The following DPM1 variants were observed in gnomAD, a reference collection of about 807,000 sequenced individuals.
DPM1 encodes the protein dolichol-phosphate mannosyltransferase subunit 1.
In DPM1, 27 loss-of-function variants were observed where a neutral mutation model predicts 39.0. That is an observed-to-expected ratio of 0.69 (90% CI 0.51 to 0.95). The LOEUF is 0.95. Among genes scored for constraint, DPM1 ranks in the 40% least tolerant of loss-of-function variants. The pLI is 0.00. For synonymous variants in DPM1, 124 were observed against 109.0 expected (o/e 1.14, Z -0.86); for missense variants, 307 against 315.6 (o/e 0.97, Z 0.21).
chr20:50,938,672 G>T (rs932139699), intron 7 of DPM1, among the ~76,000 whole-genome samples: 1 of 144,110 alleles, frequency 6.9e-6, no homozygotes, highest in African/African-American at 2.5e-5. Flanking sequence ...GAGCCACCGC[G>T]CCCAGCCTAT....
chr20:50,954,799 T>C (rs1342192678), intron 2 of DPM1, among the ~76,000 whole-genome samples: 4 of 152,208 alleles, frequency 2.6e-5, no homozygotes, highest in Non-Finnish European at 5.9e-5. Flanking sequence ...TATTCTCTAA[T>C]GAAAGCATGA....
chr20:50,940,993 C>T, intron 6 of DPM1, 60 bp from the exon 7 acceptor site: 2 of 1,452,326 alleles, frequency 1.4e-6, no homozygotes, highest in South Asian at 2.3e-5. Context: ...AAGAGAAACA[C>T]ATCGAAGAAC....
At chr20:50,947,863 G>A (rs554895601) in intron 3 of DPM1, among the ~76,000 whole-genome samples, 1 of 152,216 alleles carries the variant, frequency 6.6e-6, no homozygotes, top group Admixed American at 6.5e-5. Context: ...TCTTGACCTC[G>A]TGCTCTGCCC....
chr20:50,951,919 G>C (rs1986600887), intron 2 of DPM1, among the ~76,000 whole-genome samples: 1 of 152,096 alleles, frequency 6.6e-6, no homozygotes, highest in Admixed American at 6.6e-5. Flanking sequence ...ATTTCTATTT[G>C]GTATGCTTTA....
In DPM1 at chr20:50,940,927, C is replaced by T; in HGVS notation, c.501G>A (p.Gly167=). 6.2e-7 allele frequency: 1 copy of T among 1,613,608 alleles called. No individual in the cohort carries two copies. The highest frequency in any genetic ancestry group is 8.5e-7 in the Non-Finnish European group (1 of 1,179,860). The change falls in exon 7 of 9, where the codon GGG becomes GGA. Residue 167 remains glycine (G), a synonymous_variant. Transcript: ENST00000371588. The stretch of plus-strand genomic sequence containing the variant: ...GCAAGATCTGAGTTAAAAAATTGGC[C>T]CCACGGCTGCCAAATAAAACAATCA... ...WDLKRKIISR[G]ANFLTQILLR... is the part of the protein sequence containing the mutation.
intron 5 of DPM1, among the ~76,000 whole-genome samples, chr20:50,943,859 C>G (rs1345862783): frequency 6.6e-6 from 1 of 151,948 alleles, no homozygotes; most frequent in African/African-American, 2.4e-5. Context: ...CCTGCCTCAG[C>G]CTCCCGAGTA....
chr20:50,948,537 AT>A lies in DPM1; in HGVS notation c.295+91del, dbSNP rs1986410703. 5.2e-6 allele frequency: 6 copies of A among 1,156,112 alleles called. No homozygotes were observed. The South Asian group carries it at 7.3e-5, about 14-fold the overall frequency. 71.6% of individuals were successfully genotyped at this position (1,156,112 alleles called of 1,614,324 possible). On this transcript the variant is annotated intron_variant, in intron 3 of 8. Transcript: ENST00000371588. The stretch of plus-strand genomic sequence containing the variant: ...AAAAACCATCATAGGAAGTTACTGT[AT>A]TTTGGCCCTATTCCAAACTGGGAAA...
intron 7 of DPM1, among the ~76,000 whole-genome samples, chr20:50,938,413 TCTCA>T (rs1245754215): frequency 6.7e-6 from 1 of 149,896 alleles, no homozygotes; most frequent in Non-Finnish European, 1.5e-5. Flanking sequence ...TGAGACAGAG[TCTCA>T]CTCTGTCGCC....
In DPM1 at chr20:50,955,242, C is replaced by G; in HGVS notation, c.205G>C (p.Asp69His). 6.2e-7 allele frequency: 1 copy of G among 1,613,272 alleles called. No individual in the cohort carries two copies. Among genetic ancestry groups the G allele is most frequent in the Non-Finnish European group, 8.5e-7 (1 of 1,179,798 alleles). ...TGTTCAGCAACATCCCTTGTTCCAT[C>G]TGGGCTTCCATCATCTATGATTATA... ...EIIIIDDGSP[D>H]GTRDVAEQLE... The change falls in exon 2 of 9, where the codon GAT becomes CAT. Residue 69 changes from aspartate (D) to histidine (H), a missense_variant. Asp to His is a moderately conservative substitution (Grantham distance 81, BLOSUM62 -1). Around this residue, in one of 3 missense-constraint regions of DPM1, gnomAD observed 206 missense variants for 188.2 expected, o/e 1.09. Coordinates refer to ENST00000371588, the MANE Select transcript of DPM1 (RefSeq NM_003859.3).
At chr20:50,954,984 T>C (rs1986754308) in intron 2 of DPM1, among the ~76,000 whole-genome samples, 1 of 152,254 alleles carries the variant, frequency 6.6e-6, no homozygotes, top group Admixed American at 6.5e-5. Flanking sequence ...CACTCTTTGC[T>C]GTAAAATGAC....
Position 50,955,281 on chromosome 20 carries a change from T to C in DPM1, c.166A>G (p.Ile56Val), listed in dbSNP as rs778063616. 9 of 1,610,190 alleles carry C rather than the reference T, an allele frequency of 5.6e-6. No individual in the cohort carries two copies. Among genetic ancestry groups the C allele is most frequent in the East Asian group, 2.2e-5 (1 of 44,780 alleles). The change falls in exon 2 of 9, where the codon ATC (isoleucine) becomes GTC (valine). Residue 56 changes from isoleucine to valine, a missense_variant. Physicochemically the swap from Ile to Val is conservative, Grantham distance 29. Coordinates refer to ENST00000371588, the MANE Select transcript of DPM1 (RefSeq NM_003859.3). ...TCTATGATTATAATTTCATAGTTGATTCCACTAAAAAAATTAAATTTGTAT... is the reference window on the plus strand; with the variant it reads ...TCTATGATTATAATTTCATAGTTGACTCCACTAAAAAAATTAAATTTGTAT... ...LLVKSFSESG[I>V]NYEIIIIDDG...
rs150509150 is a variant in DPM1, at chr20:50,958,515, G to A, written c.9C>T (p.Ser3=). 2.5e-6 allele frequency: 4 copies of A among 1,613,554 alleles called. No homozygotes were observed. Among genetic ancestry groups the A allele is most frequent in the Non-Finnish European group, 3.4e-6 (4 of 1,179,996 alleles). The change falls in exon 1 of 9, where the codon TCC becomes TCT. Residue 3 remains serine, a synonymous_variant. Coordinates refer to ENST00000371588, the MANE Select transcript of DPM1 (RefSeq NM_003859.3). The part of the protein sequence containing the change: MA[S]LEVSRSPRRS... ...TGCGAGGACTACGACTGACTTCCAA[G>A]GAGGCCATGGCGGAACTGAGCCAGA...
chr20:50,938,351 C>T, intron 7 of DPM1, among the ~76,000 whole-genome samples: 1 of 151,954 alleles, frequency 6.6e-6, no homozygotes, highest in South Asian at 2.1e-4. Flanking sequence ...AACCACCACT[C>T]TTATGAGAAG....
Position 50,941,409 on chromosome 20 carries a change from A to G in DPM1, c.495-476T>C, listed in dbSNP as rs1234771786. 2.7e-5 allele frequency among the ~76,000 whole-genome samples: 4 copies of G among 146,216 alleles called. No individual in the cohort carries two copies. The East Asian group carries it at 7.8e-4, about 29-fold the overall frequency. On this transcript the variant is annotated intron_variant, in intron 6 of 8. Coordinates refer to ENST00000371588, the MANE Select transcript of DPM1 (RefSeq NM_003859.3). ...TCATATATATATTCATATTATATAT[A>G]TATATTCATATTATATATATTAGCT... is the stretch of plus-strand genomic sequence containing the variant.
chr20:50,938,940 T>C (rs1351413897), intron 7 of DPM1, among the ~76,000 whole-genome samples: 1 of 151,834 alleles, frequency 6.6e-6, no homozygotes, highest in African/African-American at 2.4e-5. Context: ...GATCGCGCCA[T>C]TGCACACTCC....
At chr20:50,951,548 C>T (rs960207594) in intron 2 of DPM1, among the ~76,000 whole-genome samples, 3 of 152,086 alleles carry the variant, frequency 2.0e-5, no homozygotes, top group African/African-American at 4.8e-5. Flanking sequence ...CAGCACTTTG[C>T]GGGGCTGAGG....
chr20:50,945,283 G>GTT (rs1414052118), intron 5 of DPM1: 40 of 87,316 alleles, frequency 4.6e-4, no homozygotes, highest in Admixed American at 2.0e-3. Flanking sequence ...TCAAATGTGT[G>GTT]TTGTGTGTGT....
At chr20:50,940,280 A>G (rs1985612216) in intron 7 of DPM1, among the ~76,000 whole-genome samples, 1 of 152,018 alleles carries the variant, frequency 6.6e-6, no homozygotes, top group African/African-American at 2.4e-5. Context: ...GGCATTTTAT[A>G]GTTTCAGAGA....
At chr20:50,957,102 T>C (rs1282688357) in intron 1 of DPM1, among the ~76,000 whole-genome samples, 2 of 152,110 alleles carry the variant, frequency 1.3e-5, no homozygotes, top group East Asian at 1.9e-4. Flanking sequence ...TTAGAGCTTA[T>C]AGAAATCAAA....
Sources: gnomAD v4.1 joint callset for allele counts (sites outside exome capture counted in the v4.1 genomes callset) on GRCh38, gnomAD v4.1.1 for gene constraint, gnomAD v4.1.1 regional missense constraint, MANE v1.5 for transcripts, NCBI Gene and HGNC (gene_info 2026-07-23, HGNC 2026-07-21) for gene names.